The following MBD5 variants were observed in gnomAD, a reference collection of about 807,000 sequenced individuals.
MBD5 encodes methyl-CpG binding domain protein 5.
A neutral mutation model predicts 117.3 loss-of-function variants in MBD5; 13 were observed. That is an observed-to-expected ratio of 0.11 (90% CI 0.07 to 0.18). MBD5 has a LOEUF of 0.18. MBD5 is among the 10% of genes least tolerant of loss of function. The probability of loss-of-function intolerance (pLI) is 1.00; values close to 1 mark genes in which losing one functional copy is unlikely to be tolerated. For synonymous variants in MBD5, 727 were observed against 766.4 expected (o/e 0.95, Z 0.85); for missense variants, 1,879 against 2,093.8 (o/e 0.90, Z 2.00).
chr2:148,320,570 G>A (rs1034241498), intron 3 of MBD5, among the ~76,000 whole-genome samples: 1 of 152,078 alleles, frequency 6.6e-6, no homozygotes, highest in African/African-American at 2.4e-5. Context: ...TGCCCAGGGT[G>A]GTCTCAAACT....
At chr2:148,088,250 G>A (rs1176410223) in intron 1 of MBD5, among the ~76,000 whole-genome samples, 1 of 152,010 alleles carries the variant, frequency 6.6e-6, no homozygotes, top group Non-Finnish European at 1.5e-5. Flanking sequence ...TTATTCCTGA[G>A]GAAGAAGATA....
intron 1 of MBD5, among the ~76,000 whole-genome samples, chr2:148,117,709 T>C (rs1175349492): frequency 1.3e-5 from 2 of 152,222 alleles, no homozygotes; most frequent in African/African-American, 4.8e-5. Flanking sequence ...ATCATTATTA[T>C]GTTTATTAAG....
At chr2:148,492,898 A>G (rs905537955) in intron 11 of MBD5, among the ~76,000 whole-genome samples, 2 of 152,102 alleles carry the variant, frequency 1.3e-5, no homozygotes, top group Non-Finnish European at 2.9e-5. Flanking sequence ...CTAGTAGAAC[A>G]CTTTTTAAAA....
chr2:148,209,635 C>T (rs1209279552), intron 2 of MBD5, among the ~76,000 whole-genome samples: 1 of 151,748 alleles, frequency 6.6e-6, no homozygotes, highest in Non-Finnish European at 1.5e-5. Context: ...ATGAGACTGG[C>T]ATTTATAAAG....
At chr2:148,336,572 A>G (rs922350442) in intron 3 of MBD5, among the ~76,000 whole-genome samples, 1 of 152,078 alleles carries the variant, frequency 6.6e-6, no homozygotes, top group African/African-American at 2.4e-5. Context: ...TTTTTGGTAG[A>G]GATGGGGTTT....
chr2:148,427,637 T>G (rs2105316200), intron 4 of MBD5, among the ~76,000 whole-genome samples: 2 of 150,906 alleles, frequency 1.3e-5, no homozygotes, highest in South Asian at 2.1e-4. Flanking sequence ...CGGGGCCTGT[T>G]GTGGGATGGG....
intron 2 of MBD5, among the ~76,000 whole-genome samples, chr2:148,221,536 A>G (rs12474357): frequency 0.017 from 2,561 of 152,194 alleles, 29 homozygotes; most frequent in East Asian, 0.035. Flanking sequence ...ACTTTCTCAT[A>G]TGCATGTTTG....
chr2:148,302,930 C>T (rs1255208338), intron 3 of MBD5, among the ~76,000 whole-genome samples: 3 of 149,836 alleles, frequency 2.0e-5, no homozygotes, highest in East Asian at 1.9e-4. Context: ...CACACTAAAG[C>T]GTATATGTTT....
intron 4 of MBD5, among the ~76,000 whole-genome samples, chr2:148,388,823 C>A (rs929120254): frequency 1.3e-5 from 2 of 152,016 alleles, no homozygotes; most frequent in African/African-American, 4.8e-5. Flanking sequence ...CCTCATTTTT[C>A]AAAATTATTA....
At chr2:148,202,358 A>G (rs1328656772) in intron 2 of MBD5, among the ~76,000 whole-genome samples, 2 of 152,136 alleles carry the variant, frequency 1.3e-5, no homozygotes, top group African/African-American at 2.4e-5. Context: ...GAAACTTCCA[A>G]GTTGATGGAA....
At chr2:148,195,021 A>G (rs1698941937) in intron 2 of MBD5, among the ~76,000 whole-genome samples, 1 of 152,210 alleles carries the variant, frequency 6.6e-6, no homozygotes, top group Non-Finnish European at 1.5e-5. Flanking sequence ...TGTTTCTGTC[A>G]CAACTACTCA....
chr2:148,245,136 A>G (rs536069943), intron 3 of MBD5, among the ~76,000 whole-genome samples: 4 of 152,362 alleles, frequency 2.6e-5, no homozygotes, highest in African/African-American at 9.6e-5. Flanking sequence ...CTGTAATCCC[A>G]GCAGTTTGGA....
At chr2:148,173,413 T>G (rs1389626363) in intron 1 of MBD5, among the ~76,000 whole-genome samples, 1 of 152,190 alleles carries the variant, frequency 6.6e-6, no homozygotes, top group Non-Finnish European at 1.5e-5. Context: ...TGCGCAGTGG[T>G]CGGACCCCAC....
At chr2:148,398,091 G>C (rs1185549802) in intron 4 of MBD5, among the ~76,000 whole-genome samples, 1 of 152,142 alleles carries the variant, frequency 6.6e-6, no homozygotes, top group Non-Finnish European at 1.5e-5. Context: ...CTTTGCTATT[G>C]TGAATAGTGC....
chr2:148,256,083 G>A (rs1308410384), intron 3 of MBD5, among the ~76,000 whole-genome samples: 6 of 152,212 alleles, frequency 3.9e-5, no homozygotes, highest in East Asian at 3.9e-4. Context: ...GCAGCGGCCC[G>A]ATGTAGTCTA....
At chr2:148,080,590 A>C (rs919166173) in intron 1 of MBD5, among the ~76,000 whole-genome samples, 4 of 152,154 alleles carry the variant, frequency 2.6e-5, no homozygotes, top group African/African-American at 9.7e-5. Context: ...AGTTAGGTTT[A>C]AATAGACATT....
At chr2:148,421,614 C>G (rs1705609395) in intron 4 of MBD5, among the ~76,000 whole-genome samples, 1 of 152,038 alleles carries the variant, frequency 6.6e-6, no homozygotes, top group South Asian at 2.1e-4. Flanking sequence ...GGGTTGAAGC[C>G]AGGGAGCCAA....
At position 148,489,369 on chromosome 2, in the gene MBD5, C is replaced by A. The variant is rs1321354633; in HGVS notation, c.3754-17C>A. Reference sequence around the variant, plus strand: ...TTATTTCCCTTTCTCTCACTGCTTCCTGTCTATTTCTTCAAGGTGAGAATG... The same window carrying A: ...TTATTTCCCTTTCTCTCACTGCTTCATGTCTATTTCTTCAAGGTGAGAATG... On this transcript the variant is annotated splice_polypyrimidine_tract_variant and intron_variant, in intron 10 of 13. Transcript: ENST00000642680. The A allele has an allele frequency of 1.2e-6, 2 of 1,613,936 alleles. No individual in the cohort carries two copies. The highest frequency in any genetic ancestry group is 2.2e-5 in the South Asian group (2 of 91,056).
intron 4 of MBD5, among the ~76,000 whole-genome samples, chr2:148,454,713 TA>T (rs1273584296): frequency 6.6e-6 from 1 of 152,158 alleles, no homozygotes; most frequent in Non-Finnish European, 1.5e-5. Context: ...GTTTTCATCT[TA>T]TTTTTTTAAA....
Sources: gnomAD v4.1 joint callset for allele counts (sites outside exome capture counted in the v4.1 genomes callset) on GRCh38, gnomAD v4.1.1 for gene constraint, MANE v1.5 for transcripts, NCBI Gene and HGNC (gene_info 2026-07-23, HGNC 2026-07-21) for gene names.